MRTFA: variants seen among roughly 807,000 people sequenced by gnomAD.
MRTFA encodes the protein myocardin related transcription factor A.
A neutral mutation model predicts 83.5 loss-of-function variants in MRTFA; 20 were observed. The observed-to-expected ratio is 0.24, with a 90% CI of 0.17 to 0.35. MRTFA has a LOEUF of 0.35. Among genes scored for constraint, MRTFA ranks in the 10% least tolerant of loss-of-function variants. The probability of loss-of-function intolerance (pLI) is 1.00; values close to 1 mark genes in which losing one functional copy is unlikely to be tolerated. For missense variants in MRTFA, 1,200 were observed against 1,224.7 expected, an observed-to-expected ratio of 0.98 and a Z score of 0.30; for synonymous variants, 659 against 541.2, an observed-to-expected ratio of 1.22 and a Z score of -3.02.
intron 3 of MRTFA, among the ~76,000 whole-genome samples, chr22:40,473,754 G>T (rs528029808): frequency 6.6e-6 from 1 of 152,260 alleles, no homozygotes; most frequent in East Asian, 1.9e-4. Context: ...TTGCAACAGT[G>T]AATTATACCT....
intron 4 of MRTFA, among the ~76,000 whole-genome samples, chr22:40,462,422 T>C (rs536513544): frequency 2.0e-4 from 31 of 152,310 alleles, no homozygotes; most frequent in Middle Eastern, 3.4e-3. Context: ...ACATCAGTTC[T>C]CCCACCATGA....
intron 3 of MRTFA, among the ~76,000 whole-genome samples, chr22:40,530,880 T>TA (rs2055067513): frequency 6.6e-6 from 1 of 152,246 alleles, no homozygotes; most frequent in Non-Finnish European, 1.5e-5. Context: ...AATACTTCGA[T>TA]AAAATCTTGA....
intron 3 of MRTFA, chr22:40,523,731 C>G (rs761145682): frequency 6.6e-6 from 1 of 152,154 alleles, no homozygotes; most frequent in Admixed American, 6.6e-5. Context: ...GATACAAAGG[C>G]TGCCAGACCT....
At chr22:40,590,532 T>G (rs1043649365) in intron 2 of MRTFA, among the ~76,000 whole-genome samples, 1 of 151,642 alleles carries the variant, frequency 6.6e-6, no homozygotes. Context: ...TCGGGCATAG[T>G]GGCACACACC....
In MRTFA at chr22:40,455,803, AGTATGTATGTATGTATGTATGTAT is replaced by A. The variant is rs3044520; in HGVS notation, c.307+7394_307+7417del. Among the ~76,000 whole-genome samples, 134 of 143,374 alleles carry A rather than the reference AGTATGTATGTATGTATGTATGTAT, an allele frequency of 9.3e-4. 1 individual carries two copies. The Middle Eastern group carries it at 0.021, about 22-fold the overall frequency. The allele number at this position is 143,374 out of a possible 152,430, so 94.1% of individuals were successfully genotyped here. Reference sequence around the variant, plus strand: ...CAACAAAAAGATCCCATGGTATCCCAGTATGTATGTATGTATGTATGTATGTATGTATGTATGTATGTATTTATG... The same window carrying A: ...CAACAAAAAGATCCCATGGTATCCCAGTATGTATGTATGTATGTATTTATG... On this transcript the variant is annotated intron_variant, in intron 4 of 14. Transcript: ENST00000355630.
intron 3 of MRTFA, among the ~76,000 whole-genome samples, chr22:40,543,278 G>C (rs2055317727): frequency 6.6e-6 from 1 of 152,050 alleles, no homozygotes; most frequent in Admixed American, 6.6e-5. Context: ...ACTTCTCCCA[G>C]CAATTAATTA....
intron 3 of MRTFA, among the ~76,000 whole-genome samples, chr22:40,485,200 A>C (rs2054155517): frequency 6.6e-6 from 1 of 152,206 alleles, no homozygotes; most frequent in African/African-American, 2.4e-5. Flanking sequence ...CTTATTTTAA[A>C]AATGTCCCTG....
intron 3 of MRTFA, among the ~76,000 whole-genome samples, chr22:40,502,137 G>A (rs1569300200): frequency 1.4e-5 from 2 of 143,208 alleles, no homozygotes; most frequent in African/African-American, 2.6e-5. Context: ...TCCCGGACGG[G>A]GCGGCTGGCC....
chr22:40,565,433 G>C (rs186284264), intron 2 of MRTFA, among the ~76,000 whole-genome samples: 1 of 152,284 alleles, frequency 6.6e-6, no homozygotes, highest in East Asian at 1.9e-4. Flanking sequence ...TGTACTCTCA[G>C]TTACTCCGGG....
At position 40,516,012 on chromosome 22, in the gene MRTFA, T is replaced by C. The variant is rs539430552; in HGVS notation, c.241+36094A>G. ...GGGATTAAACATATATTTAGTAACA[T>C]TGAATCGGTTGACCAAAAGCCTACA... On this transcript the variant is annotated intron_variant, in intron 3 of 14. Transcript: ENST00000355630. Among the ~76,000 whole-genome samples, 5 of 152,262 alleles carry C rather than the reference T, an allele frequency of 3.3e-5. 1 individual carries two copies. In the South Asian group the frequency reaches 6.2e-4, roughly 19 times the overall value.
In MRTFA at chr22:40,411,614, G is replaced by A. The variant is rs1361355806; in HGVS notation, c.2872C>T (p.Pro958Ser). The A allele has an allele frequency of 2.5e-6, 4 of 1,613,764 alleles. No homozygotes were observed. Among genetic ancestry groups the A allele is most frequent in the South Asian group, 2.2e-5 (2 of 91,020 alleles). The change falls in exon 15 of 15, where the codon CCG (proline) becomes TCG (serine). Residue 958 changes from proline to serine, a missense_variant. Pro to Ser is a moderately conservative substitution (Grantham distance 74, BLOSUM62 -1). Transcript: ENST00000355630. ...AATTCCGAGGTGTCCATGGGTGACG[G>A]GGGGTGGTCCAGGATGGCAGTGCTG...
At chr22:40,589,652 C>T (rs1202919058) in intron 2 of MRTFA, among the ~76,000 whole-genome samples, 1 of 152,170 alleles carries the variant, frequency 6.6e-6, no homozygotes, top group Admixed American at 6.5e-5. Flanking sequence ...AGGTTGTCAA[C>T]AAAAATTCCT....
chr22:40,451,193 G>T (rs968501864), intron 4 of MRTFA, among the ~76,000 whole-genome samples: 2 of 151,986 alleles, frequency 1.3e-5, no homozygotes, highest in Non-Finnish European at 2.9e-5. Flanking sequence ...TTGTCTTTCT[G>T]TTTTTAGCTG....
In MRTFA at chr22:40,421,078, C is replaced by T. The variant is rs777278189; in HGVS notation, c.950G>A (p.Ser317Asn). 1.3e-6 allele frequency: 2 copies of T among 1,537,262 alleles called. No individual in the cohort carries two copies. The highest frequency in any genetic ancestry group is 2.0e-5 in the Admixed American group (1 of 51,152). Residue 317 changes from serine to asparagine, a missense_variant, in exon 10 of 15, where the codon AGT (serine) becomes AAT (asparagine). This residue lies in a region of MRTFA where 1,107 missense variants were observed against 1,041.8 expected (regional missense o/e 1.06). Transcript: ENST00000355630. ...CTTCTTGCTGCGCTGTGACTTCTCA[C>T]TGGCAGACTTGGGTTGGCTTTGCTG... is the stretch of plus-strand genomic sequence containing the variant.
intron 2 of MRTFA, chr22:40,569,718 TACA>T (rs1488255399): frequency 5.3e-4 from 1 of 1,892 alleles, no homozygotes; most frequent in Non-Finnish European, 1.3e-3. Flanking sequence ...CCATAATTAA[TACA>T]TACATACATA....
At chr22:40,434,470 C>T (rs2053129123) in intron 5 of MRTFA, among the ~76,000 whole-genome samples, 1 of 151,934 alleles carries the variant, frequency 6.6e-6, no homozygotes, top group Admixed American at 6.6e-5. Flanking sequence ...GCCTGTAATC[C>T]CAGGACTTTG....
intron 1 of MRTFA, among the ~76,000 whole-genome samples, chr22:40,630,158 A>G (rs894083074): frequency 2.0e-5 from 3 of 151,808 alleles, no homozygotes; most frequent in Non-Finnish European, 4.4e-5. Flanking sequence ...CTACTAAAAA[A>G]TACAAAAATT....
At chr22:40,498,776 T>C (rs1360016085) in intron 3 of MRTFA, among the ~76,000 whole-genome samples, 1 of 152,182 alleles carries the variant, frequency 6.6e-6, no homozygotes, top group Non-Finnish European at 1.5e-5. Context: ...ATACAGTGGC[T>C]AGGAATTTGC....
intron 3 of MRTFA, among the ~76,000 whole-genome samples, chr22:40,527,357 G>T (rs770197075): frequency 1.3e-5 from 2 of 151,492 alleles, no homozygotes; most frequent in African/African-American, 2.4e-5. Flanking sequence ...CCTTTAGCTT[G>T]ACGAGTGCAA....
Sources: allele counts gnomAD v4.1 joint callset (sites outside exome capture counted in the v4.1 genomes callset), GRCh38; gene constraint gnomAD v4.1.1; regional missense constraint gnomAD v4.1.1; transcripts MANE v1.5; gene names NCBI Gene and HGNC (gene_info 2026-07-23, HGNC 2026-07-21).